The following IRAG1 variants were observed in gnomAD, a reference collection of about 807,000 sequenced individuals.
The protein encoded by IRAG1 is inositol 1,4,5-triphosphate receptor associated 1.
IRAG1 carries 62 observed loss-of-function variants against 106.2 expected under a neutral mutation model. The observed-to-expected ratio is 0.58, with a 90% CI of 0.48 to 0.72. The LOEUF is 0.72. Among genes scored for constraint, IRAG1 ranks in the 30% least tolerant of loss-of-function variants. IRAG1 has a pLI of 0.00. For synonymous variants in IRAG1, 462 were observed against 443.9 expected, an observed-to-expected ratio of 1.04 and a Z score of -0.51; for missense variants, 1,064 against 1,140.7, an observed-to-expected ratio of 0.93 and a Z score of 0.97.
At chr11:10,643,952 C>T (rs1364701112) in intron 2 of IRAG1, among the ~76,000 whole-genome samples, 2 of 152,346 alleles carry the variant, frequency 1.3e-5, no homozygotes, top group South Asian at 2.1e-4. Flanking sequence ...TGTCTGTAAC[C>T]GTCAACATTT....
intron 1 of IRAG1, among the ~76,000 whole-genome samples, chr11:10,664,278 C>G (rs1359247991): frequency 6.6e-6 from 1 of 152,150 alleles, no homozygotes; most frequent in Non-Finnish European, 1.5e-5. Context: ...TGGAGCACCC[C>G]AGCTCAGGTC....
At chr11:10,630,419 T>C (rs921125286) in intron 4 of IRAG1, among the ~76,000 whole-genome samples, 1 of 151,946 alleles carries the variant, frequency 6.6e-6, no homozygotes, top group African/African-American at 2.4e-5. Flanking sequence ...TGGCCCAGGC[T>C]GGAGTGCAGT....
intron 2 of IRAG1, among the ~76,000 whole-genome samples, chr11:10,644,986 C>A (rs894436226): frequency 1.3e-5 from 2 of 152,154 alleles, no homozygotes; most frequent in Non-Finnish European, 2.9e-5. Context: ...CAGCGCAGAA[C>A]AAGTCTCCTC....
At chr11:10,622,444 T>G (rs903426736) in intron 10 of IRAG1, among the ~76,000 whole-genome samples, 1 of 152,170 alleles carries the variant, frequency 6.6e-6, no homozygotes, top group African/African-American at 2.4e-5. Context: ...GGCACTATGG[T>G]TACAGTTACA....
intron 1 of IRAG1, among the ~76,000 whole-genome samples, chr11:10,682,570 T>C (rs1185052720): frequency 6.6e-6 from 1 of 152,110 alleles, no homozygotes; most frequent in East Asian, 1.9e-4. Context: ...TGGAGATAAC[T>C]GCAAGGAAAT....
chr11:10,576,969 A>C (rs1850881644), intron 20 of IRAG1, among the ~76,000 whole-genome samples: 1 of 152,200 alleles, frequency 6.6e-6, no homozygotes, highest in South Asian at 2.1e-4. Flanking sequence ...TTGGCCATGC[A>C]TCTTTTTAGC....
At chr11:10,597,983 T>A (rs1853523526) in intron 15 of IRAG1, among the ~76,000 whole-genome samples, 1 of 152,256 alleles carries the variant, frequency 6.6e-6, no homozygotes. Flanking sequence ...GCACGTACTT[T>A]CCCTATGAGG....
At chr11:10,676,217 G>C (rs944427211) in intron 1 of IRAG1, among the ~76,000 whole-genome samples, 6 of 152,262 alleles carry the variant, frequency 3.9e-5, no homozygotes, top group African/African-American at 1.2e-4. Flanking sequence ...AGTGAGGAGG[G>C]AGAATGAGTT....
At chr11:10,613,929 C>T (rs915372014) in intron 10 of IRAG1, among the ~76,000 whole-genome samples, 2 of 152,154 alleles carry the variant, frequency 1.3e-5, no homozygotes, top group African/African-American at 4.8e-5. Context: ...ACCAGCCAAT[C>T]CAGAACCCAC....
At chr11:10,667,731 T>C (rs1016429550) in intron 1 of IRAG1, among the ~76,000 whole-genome samples, 1 of 152,214 alleles carries the variant, frequency 6.6e-6, no homozygotes, top group African/African-American at 2.4e-5. Context: ...TTCTGTGTGC[T>C]GACTCCCAAG....
At chr11:10,677,030 A>T (rs1044941350) in intron 1 of IRAG1, among the ~76,000 whole-genome samples, 3 of 152,106 alleles carry the variant, frequency 2.0e-5, no homozygotes, top group Admixed American at 6.5e-5. Context: ...CTGCCTGGAG[A>T]TCATGTCCCA....
intron 13 of IRAG1, 140 bp downstream of exon 13, chr11:10,604,265 T>G: frequency 2.7e-6 from 3 of 1,117,146 alleles, no homozygotes; most frequent in Non-Finnish European, 3.8e-6. Flanking sequence ...CCCAACTCTC[T>G]GAGGAACACT....
chr11:10,658,745 C>G (rs1254645436), intron 1 of IRAG1, among the ~76,000 whole-genome samples: 1 of 144,010 alleles, frequency 6.9e-6, no homozygotes, highest in Non-Finnish European at 1.5e-5. Flanking sequence ...AGTCCCAGGT[C>G]CGTGCTGTGG....
Position 10,640,756 on chromosome 11 carries a change from A to T in IRAG1, c.226-6685T>A, listed in dbSNP as rs572063323. ...AGTAAGACCAAATAGCGTTGGCCAG[A>T]CAACCTACTGGCTTAGGGGCTTCAG... On this transcript the variant is annotated intron_variant, in intron 2 of 20. Coordinates refer to ENST00000423302, the MANE Select transcript of IRAG1 (RefSeq NM_130385.4). Among the ~76,000 whole-genome samples the T allele has an allele frequency of 2.6e-4, 40 of 152,286 alleles. No individual in the cohort carries two copies. In the South Asian group the frequency reaches 7.9e-3, roughly 30 times the overall value.
intron 2 of IRAG1, among the ~76,000 whole-genome samples, chr11:10,651,691 A>G (rs1178816402): frequency 1.3e-5 from 2 of 152,182 alleles, no homozygotes; most frequent in African/African-American, 4.8e-5. Context: ...CTCACCTGAC[A>G]TAAGAGGTTC....
intron 10 of IRAG1, among the ~76,000 whole-genome samples, chr11:10,615,188 T>G (rs1855297690): frequency 6.6e-6 from 1 of 152,224 alleles, no homozygotes; most frequent in Non-Finnish European, 1.5e-5. Flanking sequence ...AAAATGCTCA[T>G]TATCACTGGC....
intron 3 of IRAG1, 132 bp from the exon 4 acceptor site, chr11:10,632,193 T>TC: frequency 5.3e-6 from 2 of 379,268 alleles, no homozygotes; most frequent in Admixed American, 4.8e-5. Context: ...TTTCTTTCTT[T>TC]TTTTTTTTTT....
chr11:10,632,183 T>TTTCC, intron 3 of IRAG1, 122 bp from the exon 4 acceptor site: 3 of 678,096 alleles, frequency 4.4e-6, no homozygotes, highest in Non-Finnish European at 4.8e-6. Context: ...TCTTTCCTTC[T>TTTCC]TTCTTTCTTT....
chr11:10,654,474 C>T (rs780987308), intron 1 of IRAG1, among the ~76,000 whole-genome samples: 1 of 152,220 alleles, frequency 6.6e-6, no homozygotes, highest in Non-Finnish European at 1.5e-5. Context: ...GTGACCCCTA[C>T]TGGTCACCTC....
Sources: gnomAD v4.1 joint callset for allele counts (sites outside exome capture counted in the v4.1 genomes callset) on GRCh38, gnomAD v4.1.1 for gene constraint, MANE v1.5 for transcripts, NCBI Gene and HGNC (gene_info 2026-07-23, HGNC 2026-07-21) for gene names.